The following GRM5 variants were observed in gnomAD, a reference collection of about 807,000 sequenced individuals.
The protein encoded by GRM5 is metabotropic glutamate receptor 5.
GRM5 carries 19 observed loss-of-function variants against 83.1 expected under a neutral mutation model. The ratio of observed to expected loss-of-function variants is 0.23; its 90% CI spans 0.16 to 0.34. GRM5 has a LOEUF of 0.34. Among genes scored for constraint, GRM5 ranks in the 10% least tolerant of loss-of-function variants. The pLI is 1.00. For synonymous variants in GRM5, 675 were observed against 633.6 expected, an observed-to-expected ratio of 1.07 and a Z score of -0.98; for missense variants, 1,160 against 1,588.3, an observed-to-expected ratio of 0.73 and a Z score of 4.58.
At chr11:88,866,658 A>G (rs652659) in intron 2 of GRM5, among the ~76,000 whole-genome samples, 116,040 of 151,986 alleles carry the variant, frequency 0.76, 45,069 homozygotes, top group East Asian at 0.99. Flanking sequence ...ACTTTTTAAC[A>G]TAATTTGTTA....
At position 89,023,902 on chromosome 11, in the gene GRM5, A is replaced by C. The variant is rs193292808; in HGVS notation, c.661+23310T>G. 1.9e-3 allele frequency among the ~76,000 whole-genome samples: 282 copies of C among 148,902 alleles called. 1 individual carries two copies. Among genetic ancestry groups the C allele is most frequent in the African/African-American group, 6.5e-3 (262 of 40,602 alleles). On this transcript the variant is annotated intron_variant, in intron 2 of 9. Transcript: ENST00000305447. ...ATAAATAAATAAATAAATAAAAATA[A>C]ATTTTAAAATAATGATCTTAATATT...
At chr11:88,773,182 G>GC (rs1942776750) in intron 3 of GRM5, among the ~76,000 whole-genome samples, 2 of 152,124 alleles carry the variant, frequency 1.3e-5, no homozygotes, top group African/African-American at 2.4e-5. Context: ...GTTTTGATTT[G>GC]CATTTCTCTG....
At chr11:88,902,242 G>T (rs1945325135) in intron 2 of GRM5, among the ~76,000 whole-genome samples, 1 of 151,838 alleles carries the variant, frequency 6.6e-6, no homozygotes, top group Non-Finnish European at 1.5e-5. Context: ...AAGAACTTGG[G>T]ATCTGTAGTT....
chr11:88,575,820 C>A (rs1468716977), intron 7 of GRM5, among the ~76,000 whole-genome samples: 1 of 152,094 alleles, frequency 6.6e-6, no homozygotes, highest in Non-Finnish European at 1.5e-5. Context: ...AGCCTATTCC[C>A]CATCCTTCAA....
chr11:88,790,573 A>G (rs1298639390), intron 3 of GRM5, among the ~76,000 whole-genome samples: 1 of 152,186 alleles, frequency 6.6e-6, no homozygotes, highest in African/African-American at 2.4e-5. Flanking sequence ...TATGATAACT[A>G]ATTTAAAAAA....
At chr11:88,727,457 T>A (rs1262191661) in intron 3 of GRM5, among the ~76,000 whole-genome samples, 1 of 152,204 alleles carries the variant, frequency 6.6e-6, no homozygotes, top group Non-Finnish European at 1.5e-5. Flanking sequence ...AACACTGCAC[T>A]GTCAATATTA....
chr11:88,535,396 T>G (rs1406450336), intron 8 of GRM5, among the ~76,000 whole-genome samples: 2 of 152,184 alleles, frequency 1.3e-5, no homozygotes, highest in Non-Finnish European at 1.5e-5. Context: ...GTGGTCTGGA[T>G]GTGATACCTG....
intron 6 of GRM5, among the ~76,000 whole-genome samples, chr11:88,595,766 C>T (rs1441457724): frequency 6.6e-6 from 1 of 152,166 alleles, no homozygotes; most frequent in African/African-American, 2.4e-5. Context: ...CTTCCACTGA[C>T]TACCATCTTA....
chr11:88,819,113 C>A (rs1368985620), intron 3 of GRM5, among the ~76,000 whole-genome samples: 1 of 152,142 alleles, frequency 6.6e-6, no homozygotes, highest in Non-Finnish European at 1.5e-5. Context: ...AACAAGAATG[C>A]TTCCAAAGAG....
At chr11:88,769,766 A>T (rs147845747) in intron 3 of GRM5, among the ~76,000 whole-genome samples, 108 of 152,176 alleles carry the variant, frequency 7.1e-4, no homozygotes, top group Middle Eastern at 3.4e-3. Context: ...AAAATCGAAT[A>T]AATTAATAAG....
intron 3 of GRM5, among the ~76,000 whole-genome samples, chr11:88,742,074 T>G (rs1942041305): frequency 6.6e-6 from 1 of 151,896 alleles, no homozygotes; most frequent in African/African-American, 2.4e-5. Context: ...CACAGATATT[T>G]ATAGACTCTT....
chr11:88,984,812 T>C (rs748819755), intron 2 of GRM5: 20 of 739,922 alleles, frequency 2.7e-5, no homozygotes, highest in Non-Finnish European at 4.3e-5. Flanking sequence ...GTTTTCATTT[T>C]CCAGGGCATC....
chr11:88,815,493 C>T (rs1015625709), intron 3 of GRM5, among the ~76,000 whole-genome samples: 1 of 152,042 alleles, frequency 6.6e-6, no homozygotes, highest in Non-Finnish European at 1.5e-5. Flanking sequence ...AACAGAATAC[C>T]AGAGACTGGG....
At chr11:89,002,402 C>A (rs1591038358) in intron 2 of GRM5, among the ~76,000 whole-genome samples, 1 of 152,224 alleles carries the variant, frequency 6.6e-6, no homozygotes, top group Non-Finnish European at 1.5e-5. Context: ...TTTGGGAGCT[C>A]TGGCTTCCTA....
chr11:88,713,825 T>A (rs2135386994), intron 3 of GRM5, among the ~76,000 whole-genome samples: 1 of 151,988 alleles, frequency 6.6e-6, no homozygotes, highest in East Asian at 1.9e-4. Flanking sequence ...AAGAAAAAAA[T>A]ATTCCAATTA....
Position 88,775,073 on chromosome 11 carries a change from A to T in GRM5, c.911+74833T>A, listed in dbSNP as rs559877597. The stretch of plus-strand genomic sequence containing the variant: ...CGGCTGTGAATCCTTCTGGTCCTGG[A>T]CTTTTTTTGGTTGGTAGGCTATTCA... On this transcript the variant is annotated intron_variant, in intron 3 of 9. Transcript: ENST00000305447. Among the ~76,000 whole-genome samples, 8 of 152,056 alleles carry T rather than the reference A, an allele frequency of 5.3e-5. No homozygotes were observed. The South Asian group carries it at 6.3e-4, about 12-fold the overall frequency.
chr11:88,694,356 A>G (rs946336824), intron 3 of GRM5, among the ~76,000 whole-genome samples: 2 of 152,230 alleles, frequency 1.3e-5, no homozygotes, highest in South Asian at 4.1e-4. Flanking sequence ...GGAGAGTGGT[A>G]TGGATTGTGG....
intron 2 of GRM5, among the ~76,000 whole-genome samples, chr11:88,971,862 G>A (rs1939173651): frequency 6.6e-6 from 1 of 152,086 alleles, no homozygotes; most frequent in Non-Finnish European, 1.5e-5. Context: ...CTGGGGAAGA[G>A]TACCTGACTC....
intron 3 of GRM5, among the ~76,000 whole-genome samples, chr11:88,704,910 A>C (rs1941119228): frequency 6.6e-6 from 1 of 151,962 alleles, no homozygotes; most frequent in African/African-American, 2.4e-5. Flanking sequence ...GCATGGTCTC[A>C]CTTCATATTG....
Sources: allele counts gnomAD v4.1 joint callset (sites outside exome capture counted in the v4.1 genomes callset), GRCh38; gene constraint gnomAD v4.1.1; transcripts MANE v1.5; gene names NCBI Gene and HGNC (gene_info 2026-07-23, HGNC 2026-07-21).